The following ARHGAP24 variants were observed in gnomAD, a reference collection of about 807,000 sequenced individuals.
ARHGAP24 encodes the protein rho GTPase-activating protein 24.
Under a neutral mutation model 76.4 loss-of-function variants are expected in ARHGAP24, and 50 were observed. The ratio of observed to expected loss-of-function variants is 0.65; its 90% confidence interval spans 0.52 to 0.83. ARHGAP24 has a LOEUF of 0.83. Ranked by LOEUF, ARHGAP24 falls within the 40% of genes least tolerant of loss-of-function variation. The pLI, the probability that ARHGAP24 is intolerant of heterozygous loss-of-function variation, is 0.00. For synonymous variants in ARHGAP24, 345 were observed against 323.3 expected, an observed-to-expected ratio of 1.07 and a Z score of -0.72; for missense variants, 930 against 914.2, an observed-to-expected ratio of 1.02 and a Z score of -0.22.
intron 3 of ARHGAP24, among the ~76,000 whole-genome samples, chr4:85,730,352 T>C (rs987426454): frequency 8.5e-5 from 13 of 152,196 alleles, no homozygotes; most frequent in African/African-American, 3.1e-4. Context: ...TCTGGCAAGA[T>C]CAAATAAGCT....
Position 85,495,884 on chromosome 4 carries a change from T to G in ARHGAP24, c.-21+20325T>G, listed in dbSNP as rs148170296. Among the ~76,000 whole-genome samples the G allele has an allele frequency of 5.9e-5, 9 of 152,316 alleles. No homozygotes were observed. In the East Asian group the frequency reaches 1.7e-3, roughly 29 times the overall value. On this transcript the variant is annotated intron_variant, in intron 1 of 9. Transcript: ENST00000395184. The stretch of plus-strand genomic sequence containing the variant: ...GACTGTCAGCATTATTTCTCTTGGA[T>G]AGTGAAAGAAAATTTTAATCCTTTT...
At chr4:85,483,608 A>G (rs1434289342) in intron 1 of ARHGAP24, among the ~76,000 whole-genome samples, 1 of 152,136 alleles carries the variant, frequency 6.6e-6, no homozygotes, top group Non-Finnish European at 1.5e-5. Flanking sequence ...GCGAAACTCC[A>G]TCTCAAAAAT....
intron 2 of ARHGAP24, among the ~76,000 whole-genome samples, chr4:85,689,479 T>C (rs933978479): frequency 7.2e-5 from 11 of 151,954 alleles, no homozygotes; most frequent in Non-Finnish European, 5.9e-5. Flanking sequence ...CTCCACCTCC[T>C]GGGTTCAAGT....
At chr4:85,967,640 C>T (rs969025853) in intron 5 of ARHGAP24, among the ~76,000 whole-genome samples, 4 of 152,120 alleles carry the variant, frequency 2.6e-5, no homozygotes, top group African/African-American at 9.7e-5. Flanking sequence ...ATCTTTGGGC[C>T]TATCTTGTGC....
intron 2 of ARHGAP24, among the ~76,000 whole-genome samples, chr4:85,656,282 A>G (rs1722166989): frequency 6.6e-6 from 1 of 152,256 alleles, no homozygotes; most frequent in African/African-American, 2.4e-5. Flanking sequence ...TTAAAATTTG[A>G]CAATGTAAAT....
chr4:85,554,631 T>A (rs1395231757), intron 1 of ARHGAP24, among the ~76,000 whole-genome samples: 1 of 152,100 alleles, frequency 6.6e-6, no homozygotes, highest in Non-Finnish European at 1.5e-5. Context: ...TTCAGCTCTA[T>A]CAGATCAGTT....
chr4:85,761,633 T>G (rs1299585791), intron 3 of ARHGAP24, among the ~76,000 whole-genome samples: 1 of 152,146 alleles, frequency 6.6e-6, no homozygotes, highest in Non-Finnish European at 1.5e-5. Flanking sequence ...TTCCAATGTG[T>G]GGGTCAAATG....
intron 2 of ARHGAP24, among the ~76,000 whole-genome samples, chr4:85,689,578 G>A (rs72656227): frequency 0.078 from 11,864 of 152,014 alleles, 533 homozygotes; most frequent in Middle Eastern, 0.1. Context: ...TAGCAGAAAC[G>A]AGGTTTTGCC....
At chr4:85,670,354 G>A (rs72969045) in intron 2 of ARHGAP24, among the ~76,000 whole-genome samples, 3,767 of 152,278 alleles carry the variant, frequency 0.025, 172 homozygotes, top group African/African-American at 0.086. Context: ...TTGGAACTGT[G>A]AAATCTTAAT....
intron 3 of ARHGAP24, among the ~76,000 whole-genome samples, chr4:85,727,724 T>A (rs1725222472): frequency 6.6e-6 from 1 of 152,136 alleles, no homozygotes; most frequent in South Asian, 2.1e-4. Flanking sequence ...CACCTGATAT[T>A]AATCATATGC....
At chr4:85,992,913 G>T (rs1034097389) in intron 8 of ARHGAP24, among the ~76,000 whole-genome samples, 1 of 151,780 alleles carries the variant, frequency 6.6e-6, no homozygotes, top group Non-Finnish European at 1.5e-5. Flanking sequence ...TTACTGCTAC[G>T]GTTTTAAATT....
At chr4:85,612,980 T>G (rs1019339481) in intron 2 of ARHGAP24, among the ~76,000 whole-genome samples, 2 of 151,796 alleles carry the variant, frequency 1.3e-5, no homozygotes, top group African/African-American at 4.8e-5. Flanking sequence ...TATTTTTTTG[T>G]AGAAGCAGGG....
At chr4:85,475,792 T>TGC (rs918781400) in intron 1 of ARHGAP24, among the ~76,000 whole-genome samples, 10 of 151,428 alleles carry the variant, frequency 6.6e-5, no homozygotes, top group Admixed American at 6.6e-5. Context: ...TGTGTGTGTG[T>TGC]GCGCGCGCGC....
At chr4:85,880,781 G>A (rs1733209473) in intron 3 of ARHGAP24, among the ~76,000 whole-genome samples, 2 of 152,004 alleles carry the variant, frequency 1.3e-5, no homozygotes, top group African/African-American at 4.8e-5. Flanking sequence ...CGCCCGCCTC[G>A]GCCTCCCAAA....
At chr4:85,488,056 G>C (rs1162951745) in intron 1 of ARHGAP24, among the ~76,000 whole-genome samples, 1 of 150,352 alleles carries the variant, frequency 6.7e-6, no homozygotes, top group Non-Finnish European at 1.5e-5. Flanking sequence ...ACAGGCGCCG[G>C]CCACCACGCC....
chr4:85,693,438 GT>G (rs1359559363), intron 2 of ARHGAP24, among the ~76,000 whole-genome samples: 3 of 152,178 alleles, frequency 2.0e-5, no homozygotes, highest in Non-Finnish European at 4.4e-5. Context: ...CACTGCCTCA[GT>G]CTCTGAGAGT....
At chr4:85,487,450 T>C (rs184258347) in intron 1 of ARHGAP24, among the ~76,000 whole-genome samples, 2,126 of 71,866 alleles carry the variant, frequency 0.03, 94 homozygotes, top group African/African-American at 0.084. Context: ...ATATTTATTA[T>C]ATATTATATA....
chr4:85,954,097 T>C (rs1226953410), intron 5 of ARHGAP24, among the ~76,000 whole-genome samples: 2 of 152,178 alleles, frequency 1.3e-5, no homozygotes, highest in Admixed American at 6.5e-5. Context: ...TTGACCACCA[T>C]TGCATTAAAA....
At chr4:85,544,850 C>G (rs545923394) in intron 1 of ARHGAP24, among the ~76,000 whole-genome samples, 13 of 151,984 alleles carry the variant, frequency 8.6e-5, no homozygotes, top group Non-Finnish European at 1.6e-4. Context: ...TTTAAAACAC[C>G]TTTTCTTAAC....
Sources: allele counts gnomAD v4.1 joint callset (sites outside exome capture counted in the v4.1 genomes callset), GRCh38; gene constraint gnomAD v4.1.1; transcripts MANE v1.5; gene names NCBI Gene and HGNC (gene_info 2026-07-23, HGNC 2026-07-21).